LRRTM3: variants seen among roughly 807,000 people sequenced by gnomAD.
LRRTM3 encodes leucine rich repeat transmembrane neuronal 3.
LRRTM3 carries 24 observed loss-of-function variants against 44.7 expected under a neutral mutation model. The ratio of observed to expected loss-of-function variants is 0.54; its 90% CI spans 0.39 to 0.76. The LOEUF is 0.76. Ranked by LOEUF, LRRTM3 falls within the 30% of genes least tolerant of loss-of-function variation. The probability of loss-of-function intolerance (pLI) is 0.00; values close to 1 mark genes in which losing one functional copy is unlikely to be tolerated. For missense variants in LRRTM3, 587 were observed against 702.2 expected (o/e 0.84, Z 1.85); for synonymous variants, 277 against 278.7 (o/e 0.99, Z 0.06).
At chr10:67,079,070 CA>C (rs1856896399) in intron 2 of LRRTM3, among the ~76,000 whole-genome samples, 1 of 152,150 alleles carries the variant, frequency 6.6e-6, no homozygotes. Flanking sequence ...TTCAAGCCAC[CA>C]ATAATTCATA....
chr10:67,062,562 A>T (rs749753159), intron 2 of LRRTM3, among the ~76,000 whole-genome samples: 4 of 152,012 alleles, frequency 2.6e-5, no homozygotes, highest in Non-Finnish European at 5.9e-5. Context: ...GCATTAAGGC[A>T]GGCAAACTTA....
At chr10:66,946,175 A>G (rs948655480) in intron 2 of LRRTM3, among the ~76,000 whole-genome samples, 2 of 152,180 alleles carry the variant, frequency 1.3e-5, no homozygotes, top group African/African-American at 2.4e-5. Flanking sequence ...ATGCAGTACA[A>G]TAAAATGAGG....
chr10:66,985,873 G>A lies in LRRTM3; in HGVS notation c.1536+57421G>A, dbSNP rs1001877287. ...CTCCCAAGTAACTGGGATTACAGGTGCTCGCCACCACACCCAGCTAATTTT... is the reference window on the plus strand; with the variant it reads ...CTCCCAAGTAACTGGGATTACAGGTACTCGCCACCACACCCAGCTAATTTT... On this transcript the variant is annotated intron_variant, in intron 2 of 2. Coordinates refer to ENST00000361320, the MANE Select transcript of LRRTM3 (RefSeq NM_178011.5). 4.6e-5 allele frequency among the ~76,000 whole-genome samples: 7 copies of A among 151,874 alleles called. No homozygotes were observed. The East Asian group carries it at 1.4e-3, about 30-fold the overall frequency.
At chr10:67,044,463 T>G (rs560590459) in intron 2 of LRRTM3, among the ~76,000 whole-genome samples, 35 of 152,174 alleles carry the variant, frequency 2.3e-4, no homozygotes, top group Admixed American at 2.3e-3. Flanking sequence ...CAAAATGGAT[T>G]GTCTAAAATT....
intron 2 of LRRTM3, among the ~76,000 whole-genome samples, chr10:67,078,797 T>C (rs539241725): frequency 6.6e-6 from 1 of 152,288 alleles, no homozygotes; most frequent in African/African-American, 2.4e-5. Context: ...ATTACAGATG[T>C]GAGCCACCGC....
At chr10:66,966,323 T>C (rs554815681) in intron 2 of LRRTM3, among the ~76,000 whole-genome samples, 1 of 152,150 alleles carries the variant, frequency 6.6e-6, no homozygotes, top group African/African-American at 2.4e-5. Flanking sequence ...TCATTTTTGA[T>C]GTACAGAATT....
intron 2 of LRRTM3, among the ~76,000 whole-genome samples, chr10:66,963,821 T>C (rs1470674256): frequency 1.3e-5 from 2 of 150,892 alleles, no homozygotes; most frequent in East Asian, 2.0e-4. Flanking sequence ...AAGGATTTGT[T>C]GTTTTATCAG....
rs972832784 is a variant in LRRTM3 at position 67,098,096 on chromosome 10, C to A, written c.*300C>A. 1 of 352,514 alleles carries A rather than the reference C, an allele frequency of 2.8e-6. No individual in the cohort carries two copies. The highest frequency in any genetic ancestry group is 5.3e-6 in the Non-Finnish European group (1 of 188,876). 21.8% of individuals were successfully genotyped at this position (352,514 alleles called of 1,614,324 possible). On this transcript the variant is annotated 3_prime_UTR_variant, in exon 3 of 3. Coordinates refer to ENST00000361320, the MANE Select transcript of LRRTM3 (RefSeq NM_178011.5). The stretch of plus-strand genomic sequence containing the variant: ...ACCTACCTGTAAAAACTGTACAAAG[C>A]TAATGTATTTTTCATATTGTAAAGT...
At chr10:67,008,028 C>T (rs1371646970) in intron 2 of LRRTM3, among the ~76,000 whole-genome samples, 1 of 151,394 alleles carries the variant, frequency 6.6e-6, no homozygotes, top group East Asian at 1.9e-4. Flanking sequence ...AGTATAAGAA[C>T]TTTAAATGAA....
rs902809533 is a variant in LRRTM3, at chr10:66,935,727, A to T, written c.1536+7275A>T. ...TCCTTATTATGTACCAGGAATTTGT[A>T]TATATTATCTAATGATTTGATAAAA... On this transcript the variant is annotated intron_variant, in intron 2 of 2. Transcript: ENST00000361320. 3.3e-5 allele frequency among the ~76,000 whole-genome samples: 5 copies of T among 152,100 alleles called. No individual in the cohort carries two copies. The East Asian group carries it at 9.6e-4, about 29-fold the overall frequency.
chr10:66,929,876 T>C (rs978867096), intron 2 of LRRTM3, among the ~76,000 whole-genome samples: 1 of 152,202 alleles, frequency 6.6e-6, no homozygotes, highest in Admixed American at 6.5e-5. Context: ...ATTTAGTCTG[T>C]ATTCTCCTTC....
intron 2 of LRRTM3, among the ~76,000 whole-genome samples, chr10:66,948,884 G>A: frequency 6.6e-6 from 1 of 152,142 alleles, no homozygotes; most frequent in East Asian, 1.9e-4. Flanking sequence ...AAGAGAGGGA[G>A]GAGAAGGTGT....
intron 2 of LRRTM3, among the ~76,000 whole-genome samples, chr10:67,045,895 A>C (rs2133165078): frequency 6.6e-6 from 1 of 152,346 alleles, no homozygotes; most frequent in East Asian, 1.9e-4. Context: ...ATAAGCTGTA[A>C]AAAGATTTAC....
intron 2 of LRRTM3, among the ~76,000 whole-genome samples, chr10:66,970,102 A>G (rs1323984028): frequency 2.0e-5 from 3 of 152,124 alleles, no homozygotes; most frequent in Non-Finnish European, 4.4e-5. Flanking sequence ...CTTGTAAAAA[A>G]TCCCAGGGCC....
At chr10:67,032,464 A>G (rs1377940615) in intron 2 of LRRTM3, among the ~76,000 whole-genome samples, 3 of 152,164 alleles carry the variant, frequency 2.0e-5, no homozygotes, top group African/African-American at 4.8e-5. Flanking sequence ...AGGAGGAAAA[A>G]AAGAATATGG....
intron 2 of LRRTM3, among the ~76,000 whole-genome samples, chr10:67,025,754 T>C (rs1035588428): frequency 1.4e-4 from 22 of 152,134 alleles, no homozygotes; most frequent in Non-Finnish European, 3.1e-4. Context: ...CCCATTAACA[T>C]ATGTTCTTAA....
At chr10:66,943,771 A>ATGAGTCAC (rs1848144506) in intron 2 of LRRTM3, among the ~76,000 whole-genome samples, 1 of 152,190 alleles carries the variant, frequency 6.6e-6, no homozygotes, top group African/African-American at 2.4e-5. Flanking sequence ...TCGCAATAAA[A>ATGAGTCAC]TGAGTCACAC....
intron 2 of LRRTM3, among the ~76,000 whole-genome samples, chr10:66,944,121 T>C (rs775139093): frequency 1.3e-5 from 2 of 152,248 alleles, no homozygotes; most frequent in African/African-American, 2.4e-5. Context: ...TGTTGATTGA[T>C]AGCATTTTAT....
At chr10:66,981,339 C>G (rs979162482) in intron 2 of LRRTM3, among the ~76,000 whole-genome samples, 1 of 152,162 alleles carries the variant, frequency 6.6e-6, no homozygotes, top group Admixed American at 6.6e-5. Context: ...TCTGATTAGA[C>G]CTCCTGCTTT....
Sources: allele counts gnomAD v4.1 joint callset (sites outside exome capture counted in the v4.1 genomes callset), GRCh38; gene constraint gnomAD v4.1.1; transcripts MANE v1.5; gene names NCBI Gene and HGNC (gene_info 2026-07-23, HGNC 2026-07-21).